Variants in SPOCK3 observed in about 807,000 individuals in gnomAD.
SPOCK3 encodes SPARC (osteonectin), cwcv and kazal like domains proteoglycan 3.
Under a neutral mutation model 56.6 loss-of-function variants are expected in SPOCK3, and 30 were observed. The observed-to-expected ratio is 0.53, with a 90% confidence interval of 0.40 to 0.72. The LOEUF (loss-of-function observed/expected upper bound fraction) is 0.72. Among genes scored for constraint, SPOCK3 ranks in the 30% least tolerant of loss-of-function variants. The pLI, the probability that SPOCK3 is intolerant of heterozygous loss-of-function variation, is 0.00. For missense variants in SPOCK3, 527 were observed against 530.0 expected (o/e 0.99, Z 0.06); for synonymous variants, 196 against 183.3 (o/e 1.07, Z -0.56).
chr4:167,207,761 C>A (rs1326433749), intron 2 of SPOCK3, among the ~76,000 whole-genome samples: 1 of 151,952 alleles, frequency 6.6e-6, no homozygotes, highest in East Asian at 1.9e-4. Context: ...AGGAGATATA[C>A]CTAATGCTAA....
intron 3 of SPOCK3, among the ~76,000 whole-genome samples, chr4:167,026,287 G>A (rs1751692175): frequency 2.0e-5 from 3 of 152,070 alleles, no homozygotes; most frequent in African/African-American, 7.2e-5. Context: ...ATAAAACTTA[G>A]TGCTGGAATT....
intron 2 of SPOCK3, among the ~76,000 whole-genome samples, chr4:167,209,970 C>T (rs918728801): frequency 1.3e-5 from 2 of 152,062 alleles, no homozygotes; most frequent in Non-Finnish European, 2.9e-5. Context: ...CAGGTAGCAA[C>T]AACTGCAAAA....
chr4:166,950,492 T>C (rs1159318556), intron 4 of SPOCK3, among the ~76,000 whole-genome samples: 1 of 151,734 alleles, frequency 6.6e-6, no homozygotes, highest in Non-Finnish European at 1.5e-5. Context: ...AATGGGAGAC[T>C]TTAACACCCC....
In SPOCK3 at chr4:166,818,243, TTG is replaced by T. The variant is rs558950896; in HGVS notation, c.590-25956_590-25955del. 7.7e-4 allele frequency among the ~76,000 whole-genome samples: 116 copies of T among 150,654 alleles called. 2 individuals are homozygous for T. The East Asian group carries it at 0.019, about 25-fold the overall frequency. On this transcript the variant is annotated intron_variant, in intron 6 of 10. Coordinates refer to ENST00000357545, the MANE Select transcript of SPOCK3 (RefSeq NM_001040159.2). ...TTTTTTGTGGCTAAATGGTATTCCATTGTGTGTGTGTGTGTGTATTATTATGT... is the reference window on the plus strand; with the variant it reads ...TTTTTTGTGGCTAAATGGTATTCCATTGTGTGTGTGTGTGTATTATTATGT...
At chr4:166,785,109 C>T (rs1456521148) in intron 7 of SPOCK3, among the ~76,000 whole-genome samples, 1 of 152,060 alleles carries the variant, frequency 6.6e-6, no homozygotes, top group Non-Finnish European at 1.5e-5. Flanking sequence ...CATTTTCATG[C>T]TAATGATAAT....
chr4:167,149,252 T>G (rs930002051), intron 2 of SPOCK3, among the ~76,000 whole-genome samples: 1 of 152,148 alleles, frequency 6.6e-6, no homozygotes, highest in Non-Finnish European at 1.5e-5. Flanking sequence ...AAATTTCCTA[T>G]GTACTGAGAA....
At chr4:167,141,153 G>A (rs1763497096) in intron 2 of SPOCK3, among the ~76,000 whole-genome samples, 1 of 151,838 alleles carries the variant, frequency 6.6e-6, no homozygotes, top group South Asian at 2.1e-4. Context: ...TTGGACTTCA[G>A]CCCCAATTAC....
At position 166,955,353 on chromosome 4, in the gene SPOCK3, C is replaced by T. The variant is rs905771965; in HGVS notation, c.351-42610G>A. ...GCCATTCCTATAGGCACTCAAAGTC[C>T]GTAACTACCACAGATTAAACAGGGC... On this transcript the variant is annotated intron_variant, in intron 4 of 10. Coordinates refer to ENST00000357545, the MANE Select transcript of SPOCK3 (RefSeq NM_001040159.2). Among the ~76,000 whole-genome samples, 8 of 150,602 alleles carry T rather than the reference C, an allele frequency of 5.3e-5. No homozygotes were observed. In the East Asian group the frequency reaches 5.8e-4, roughly 11 times the overall value.
At chr4:166,811,547 A>T (rs1743803595) in intron 6 of SPOCK3, among the ~76,000 whole-genome samples, 2 of 151,636 alleles carry the variant, frequency 1.3e-5, no homozygotes, top group Admixed American at 1.3e-4. Context: ...TTCTAGTTTG[A>T]TTGCATCATG....
chr4:166,957,107 TA>T lies in SPOCK3; in HGVS notation c.350+43241del, dbSNP rs771202200. Among the ~76,000 whole-genome samples the T allele has an allele frequency of 3.3e-5, 5 of 151,940 alleles. No homozygotes were observed. In the South Asian group the frequency reaches 1.0e-3, roughly 32 times the overall value. Reference sequence around the variant, plus strand: ...TGTCTCTACGAAAAATACAAAAAGTTAGCTAGGCAAGGTGGCAGGTGCCTGT... The same window carrying T: ...TGTCTCTACGAAAAATACAAAAAGTTGCTAGGCAAGGTGGCAGGTGCCTGT... On this transcript the variant is annotated intron_variant, in intron 4 of 10. Transcript: ENST00000357545.
chr4:167,085,848 C>T (rs996648279), intron 2 of SPOCK3, among the ~76,000 whole-genome samples: 5 of 151,994 alleles, frequency 3.3e-5, no homozygotes, highest in Non-Finnish European at 7.4e-5. Flanking sequence ...GTTCCCAGAA[C>T]AGAAATGACA....
chr4:167,016,158 AT>A (rs1750599993), intron 3 of SPOCK3, among the ~76,000 whole-genome samples: 1 of 152,170 alleles, frequency 6.6e-6, no homozygotes, highest in Non-Finnish European at 1.5e-5. Flanking sequence ...GCTTGATGAT[AT>A]GAAAAATAAT....
At chr4:167,202,957 T>G (rs1448796695) in intron 2 of SPOCK3, among the ~76,000 whole-genome samples, 19 of 151,880 alleles carry the variant, frequency 1.3e-4, no homozygotes, top group Admixed American at 1.2e-3. Flanking sequence ...TTTGGTTTTT[T>G]AAAAAGTAAA....
chr4:167,013,872 G>A (rs1750337671), intron 3 of SPOCK3, among the ~76,000 whole-genome samples: 1 of 152,072 alleles, frequency 6.6e-6, no homozygotes, highest in Non-Finnish European at 1.5e-5. Flanking sequence ...ATTCTAAAAT[G>A]TAAAATAAAA....
At chr4:166,769,894 C>A (rs2126563243) in intron 7 of SPOCK3, among the ~76,000 whole-genome samples, 1 of 152,322 alleles carries the variant, frequency 6.6e-6, no homozygotes, top group East Asian at 1.9e-4. Flanking sequence ...ATGGCAGGCG[C>A]CCCTCCCCCA....
At chr4:166,933,715 A>G (rs940376361) in intron 4 of SPOCK3, among the ~76,000 whole-genome samples, 1 of 152,200 alleles carries the variant, frequency 6.6e-6, no homozygotes. Context: ...TTCCTCTGAG[A>G]GAAAGGGCAT....
At chr4:167,203,852 T>G (rs1733766462) in intron 2 of SPOCK3, among the ~76,000 whole-genome samples, 1 of 152,124 alleles carries the variant, frequency 6.6e-6, no homozygotes, top group Non-Finnish European at 1.5e-5. Flanking sequence ...TGCCTAATAC[T>G]TGCAGCTGGA....
chr4:167,110,659 C>T (rs534840291), intron 2 of SPOCK3, among the ~76,000 whole-genome samples: 1 of 151,890 alleles, frequency 6.6e-6, no homozygotes, highest in Non-Finnish European at 1.5e-5. Flanking sequence ...ACCCATTGAA[C>T]CCCTATTATG....
At chr4:167,014,106 C>T (rs945034952) in intron 3 of SPOCK3, among the ~76,000 whole-genome samples, 8 of 152,092 alleles carry the variant, frequency 5.3e-5, no homozygotes, top group Non-Finnish European at 1.0e-4. Context: ...TCTCTTGTAA[C>T]GTGCCCTGCA....
Sources: allele counts gnomAD v4.1 joint callset (sites outside exome capture counted in the v4.1 genomes callset), GRCh38; gene constraint gnomAD v4.1.1; transcripts MANE v1.5; gene names NCBI Gene and HGNC (gene_info 2026-07-23, HGNC 2026-07-21).